The following RGS9 variants were observed in gnomAD, a reference collection of about 807,000 sequenced individuals.
RGS9 encodes the protein regulator of G-protein signalling 9.
RGS9 carries 78 observed loss-of-function variants against 102.0 expected under a neutral mutation model. That is an observed-to-expected ratio of 0.76 (90% CI 0.64 to 0.92). The LOEUF is 0.92. Ranked by LOEUF, RGS9 falls within the 40% of genes least tolerant of loss-of-function variation. The pLI is 0.00. For missense variants in RGS9, 833 were observed against 866.1 expected (o/e 0.96, Z 0.48); for synonymous variants, 353 against 318.6 (o/e 1.11, Z -1.15).
chr17:65,181,931 G>A (rs1370393330), intron 9 of RGS9, among the ~76,000 whole-genome samples: 2 of 152,206 alleles, frequency 1.3e-5, no homozygotes, highest in African/African-American at 2.4e-5. Context: ...CATGCTATGA[G>A]AGAGAATTTA....
chr17:65,182,089 A>G (rs950762978), intron 9 of RGS9, among the ~76,000 whole-genome samples: 5 of 152,158 alleles, frequency 3.3e-5, no homozygotes, highest in Non-Finnish European at 7.3e-5. Context: ...TACTCCAATA[A>G]GCAGCTGCTC....
At chr17:65,168,157 C>T (rs1911265220) in intron 7 of RGS9, 43 bp from the exon 8 acceptor site, 2 of 1,404,938 alleles carry the variant, frequency 1.4e-6, no homozygotes, top group Non-Finnish European at 1.0e-6. Flanking sequence ...AATCAAAAGA[C>T]ACAAAGTCTT....
intron 1 of RGS9, among the ~76,000 whole-genome samples, chr17:65,142,759 T>C (rs1910206998): frequency 6.6e-6 from 1 of 151,912 alleles, no homozygotes; most frequent in African/African-American, 2.4e-5. Context: ...ATTTTTGTGT[T>C]TTTAGTAGAG....
chr17:65,201,544 G>A (rs181237325), intron 13 of RGS9, among the ~76,000 whole-genome samples: 7 of 152,312 alleles, frequency 4.6e-5, no homozygotes, highest in East Asian at 1.9e-4. Context: ...GCGTAGCAAC[G>A]CATGTATAGA....
chr17:65,168,545 CTTTTTTTTTTTT>C (rs5821624), intron 8 of RGS9, among the ~76,000 whole-genome samples: 1 of 85,274 alleles, frequency 1.2e-5, no homozygotes, highest in South Asian at 3.8e-4. Context: ...AGGGCTGGGA[CTTTTTTTTTTTT>C]TTTTTTTTTT....
At chr17:65,139,878 G>T (rs1045816071) in intron 1 of RGS9, among the ~76,000 whole-genome samples, 1 of 152,200 alleles carries the variant, frequency 6.6e-6, no homozygotes, top group Non-Finnish European at 1.5e-5. Flanking sequence ...GGTCTCAAGA[G>T]CCCATGCCAG....
chr17:65,214,065 A>G (rs1344444243), intron 17 of RGS9, among the ~76,000 whole-genome samples: 1 of 152,118 alleles, frequency 6.6e-6, no homozygotes, highest in Non-Finnish European at 1.5e-5. Context: ...AGGCTCTAGC[A>G]ATTCGCTCAT....
chr17:65,204,368 T>G, intron 15 of RGS9, 67 bp downstream of exon 15: 1 of 1,569,126 alleles, frequency 6.4e-7, no homozygotes, highest in Non-Finnish European at 8.7e-7. Context: ...CCCGGAAAAT[T>G]CTTTAGATAT....
chr17:65,185,184 A>T (rs1567877687), intron 9 of RGS9: 1 of 152,228 alleles, frequency 6.6e-6, no homozygotes, highest in Non-Finnish European at 1.5e-5. Context: ...GAGGAAGCAG[A>T]TCCCATGGAT....
intron 3 of RGS9, among the ~76,000 whole-genome samples, chr17:65,159,660 C>G (rs1910903784): frequency 6.6e-6 from 1 of 152,082 alleles, no homozygotes; most frequent in African/African-American, 2.4e-5. Context: ...GGAAGTTTGT[C>G]CTTTAATTGA....
intron 17 of RGS9, among the ~76,000 whole-genome samples, chr17:65,215,266 G>T (rs941148761): frequency 6.6e-5 from 10 of 152,166 alleles, no homozygotes; most frequent in Admixed American, 6.5e-4. Flanking sequence ...TTGAAATGGG[G>T]TGATGTGGGG....
rs528952589 is a variant in RGS9 at position 65,177,639 on chromosome 17, A to G, written c.583-93A>G. The G allele has an allele frequency of 7.9e-4, 978 of 1,235,204 alleles. 3 individuals carry two copies. Among genetic ancestry groups the G allele is most frequent in the Non-Finnish European group, 1.1e-3 (890 of 834,112 alleles). The allele number at this position is 1,235,204 out of a possible 1,614,324, so 76.5% of individuals were successfully genotyped here. A position where few individuals can be genotyped will look rare whatever the true frequency, so the allele number is the denominator to read the frequency against. On this transcript the variant is annotated intron_variant, in intron 8 of 18. Coordinates refer to ENST00000262406, the MANE Select transcript of RGS9 (RefSeq NM_003835.4). The stretch of plus-strand genomic sequence containing the variant: ...TAGGCCACAAGCTCTTCTCAGCTCA[A>G]TCTCACAATTGGCAGATTAACCAAG...
intron 2 of RGS9, among the ~76,000 whole-genome samples, chr17:65,155,683 A>G (rs537128129): frequency 1.3e-5 from 2 of 152,098 alleles, no homozygotes; most frequent in South Asian, 4.2e-4. Context: ...TGGGATTACC[A>G]GCTTGAGACT....
chr17:65,180,442 G>A (rs756725291), intron 9 of RGS9, among the ~76,000 whole-genome samples: 33 of 151,940 alleles, frequency 2.2e-4, no homozygotes, highest in Non-Finnish European at 3.5e-4. Flanking sequence ...TCCGCCTTCC[G>A]GGTTGAAGTA....
At chr17:65,219,867 C>T (rs1913641730) in intron 17 of RGS9, among the ~76,000 whole-genome samples, 1 of 151,762 alleles carries the variant, frequency 6.6e-6, no homozygotes, top group South Asian at 2.1e-4. Context: ...TCACTATCAC[C>T]ATCATACCAT....
intron 9 of RGS9, among the ~76,000 whole-genome samples, chr17:65,178,478 T>C (rs564848765): frequency 6.0e-4 from 87 of 145,686 alleles, no homozygotes; most frequent in African/African-American, 2.2e-3. Flanking sequence ...TCTTTTTTTT[T>C]CCTATTTATT....
chr17:65,162,431 C>T (rs536210475), intron 6 of RGS9, among the ~76,000 whole-genome samples: 1 of 152,192 alleles, frequency 6.6e-6, no homozygotes, highest in South Asian at 2.1e-4. Flanking sequence ...TGCTCTCTTC[C>T]TAATCAGATT....
At chr17:65,142,566 C>A (rs1910196823) in intron 1 of RGS9, among the ~76,000 whole-genome samples, 1 of 148,362 alleles carries the variant, frequency 6.7e-6, no homozygotes, top group South Asian at 2.1e-4. Context: ...GTTTTTCTCC[C>A]TTCCTTTCTT....
intron 17 of RGS9, among the ~76,000 whole-genome samples, chr17:65,213,151 C>T (rs990762569): frequency 1.4e-5 from 2 of 143,034 alleles, no homozygotes; most frequent in Non-Finnish European, 3.0e-5. Flanking sequence ...TTGTGAATTC[C>T]GACTGGGAAC....
Sources: allele counts gnomAD v4.1 joint callset (sites outside exome capture counted in the v4.1 genomes callset), GRCh38; gene constraint gnomAD v4.1.1; transcripts MANE v1.5; gene names NCBI Gene and HGNC (gene_info 2026-07-23, HGNC 2026-07-21).